FHIT: variants seen among roughly 807,000 people sequenced by gnomAD.
FHIT encodes bis(5'-adenosyl)-triphosphatase.
In FHIT, 19 loss-of-function variants were observed where a neutral mutation model predicts 17.9. That is an observed-to-expected ratio of 1.06 (90% confidence interval 0.74 to 1.56). The LOEUF (loss-of-function observed/expected upper bound fraction) is 1.56, where lower values mean the gene tolerates loss of function less well. Ranked by LOEUF, FHIT falls within the 40% of genes most tolerant of loss-of-function variation. The pLI, the probability that FHIT is intolerant of heterozygous loss-of-function variation, is 0.00. For synonymous variants in FHIT, 81 were observed against 69.7 expected (o/e 1.16, Z -0.81); for missense variants, 248 against 189.2 (o/e 1.31, Z -1.82).
At position 60,536,984 on chromosome 3, in the gene FHIT, A is replaced by G; in HGVS notation, c.-17-5T>C. On this transcript the variant is annotated splice_region_variant and splice_polypyrimidine_tract_variant and intron_variant, in intron 4 of 9. Transcript: ENST00000492590. ...ACATGTCCTCACAGTTGAAGTCTAAAAGAAAAGACAATGGATAGTTATAAA... is the reference window on the plus strand; with the variant it reads ...ACATGTCCTCACAGTTGAAGTCTAAGAGAAAAGACAATGGATAGTTATAAA... The G allele has an allele frequency of 6.3e-7, 1 of 1,594,062 alleles. No individual in the cohort carries two copies. The highest frequency in any genetic ancestry group is 1.2e-5 in the South Asian group (1 of 86,394).
intron 4 of FHIT, among the ~76,000 whole-genome samples, chr3:60,638,773 A>T (rs782039385): frequency 2.0e-5 from 3 of 152,088 alleles, no homozygotes; most frequent in Admixed American, 6.6e-5. Flanking sequence ...CGTGTTTAAG[A>T]ATGACTACAA....
intron 5 of FHIT, among the ~76,000 whole-genome samples, chr3:60,326,565 G>T (rs1709704743): frequency 6.6e-6 from 1 of 152,200 alleles, no homozygotes; most frequent in Admixed American, 6.5e-5. Flanking sequence ...GTGTGGCCAG[G>T]TTCCTAACAG....
At chr3:60,450,744 A>C (rs929293234) in intron 5 of FHIT, among the ~76,000 whole-genome samples, 6 of 152,106 alleles carry the variant, frequency 3.9e-5, no homozygotes, top group Admixed American at 2.0e-4. Flanking sequence ...GATATAGAAA[A>C]GTTGTGTGCA....
intron 4 of FHIT, among the ~76,000 whole-genome samples, chr3:60,659,724 T>C (rs2040196808): frequency 6.6e-6 from 1 of 152,204 alleles, no homozygotes; most frequent in African/African-American, 2.4e-5. Context: ...TTAAGATACT[T>C]GTTTTAGACT....
At chr3:60,016,986 G>A (rs1700367828) in intron 5 of FHIT, among the ~76,000 whole-genome samples, 1 of 152,102 alleles carries the variant, frequency 6.6e-6, no homozygotes, top group Non-Finnish European at 1.5e-5. Context: ...TAGAAAATTA[G>A]AAACTTGCCA....
At chr3:59,886,529 G>A (rs1194103017) in intron 8 of FHIT, among the ~76,000 whole-genome samples, 1 of 152,170 alleles carries the variant, frequency 6.6e-6, no homozygotes, top group Non-Finnish European at 1.5e-5. Flanking sequence ...TCCACTCATG[G>A]CAAGGGTGAA....
At chr3:60,456,307 T>C (rs1369938846) in intron 5 of FHIT, among the ~76,000 whole-genome samples, 1 of 152,228 alleles carries the variant, frequency 6.6e-6, no homozygotes, top group Non-Finnish European at 1.5e-5. Context: ...AAATCTTCAC[T>C]GATGCTAAAG....
At chr3:60,722,765 T>G (rs2041836838) in intron 4 of FHIT, among the ~76,000 whole-genome samples, 1 of 146,402 alleles carries the variant, frequency 6.8e-6, no homozygotes, top group Non-Finnish European at 1.5e-5. Flanking sequence ...CAGGCTGGAA[T>G]GCAGTGGAAT....
At chr3:59,996,314 T>C (rs13066381) in intron 7 of FHIT, among the ~76,000 whole-genome samples, 90,386 of 151,788 alleles carry the variant, frequency 0.6, 27,491 homozygotes, top group Non-Finnish European at 0.66. Flanking sequence ...CAAACATGGG[T>C]AGAATGTGGC....
At chr3:60,178,854 T>C (rs771124100) in intron 5 of FHIT, among the ~76,000 whole-genome samples, 5 of 152,080 alleles carry the variant, frequency 3.3e-5, no homozygotes, top group Admixed American at 2.0e-4. Context: ...CCCTGAGAAG[T>C]TCTGCAGTAA....
chr3:59,754,672 A>G (rs1477913529), intron 8 of FHIT, among the ~76,000 whole-genome samples: 1 of 152,218 alleles, frequency 6.6e-6, no homozygotes, highest in Non-Finnish European at 1.5e-5. Context: ...GTGAATGTTA[A>G]TGCCTTCCTG....
intron 5 of FHIT, among the ~76,000 whole-genome samples, chr3:60,270,813 G>C (rs77127316): frequency 0.083 from 12,603 of 152,190 alleles, 722 homozygotes; most frequent in Middle Eastern, 0.14. Flanking sequence ...AAGAACCATG[G>C]GGAGGAACAC....
intron 5 of FHIT, among the ~76,000 whole-genome samples, chr3:60,100,421 C>A (rs752314348): frequency 2.0e-5 from 3 of 152,108 alleles, no homozygotes; most frequent in Admixed American, 1.3e-4. Flanking sequence ...CCATTAAATT[C>A]TTCACTGGTG....
At chr3:60,938,734 A>G (rs1352765147) in intron 3 of FHIT, among the ~76,000 whole-genome samples, 1 of 152,204 alleles carries the variant, frequency 6.6e-6, no homozygotes, top group African/African-American at 2.4e-5. Flanking sequence ...CGTAACAGAA[A>G]TGGCCTTGCC....
intron 4 of FHIT, among the ~76,000 whole-genome samples, chr3:60,797,863 T>G (rs530449771): frequency 5.9e-5 from 9 of 152,122 alleles, no homozygotes; most frequent in African/African-American, 2.2e-4. Context: ...TTTTAAATTC[T>G]AATGTATAAT....
At chr3:60,314,148 C>T (rs1280792709) in intron 5 of FHIT, among the ~76,000 whole-genome samples, 23 of 152,098 alleles carry the variant, frequency 1.5e-4, no homozygotes, top group Admixed American at 1.2e-3. Flanking sequence ...AGTCTTGCTG[C>T]GTAAATGCAG....
intron 5 of FHIT, among the ~76,000 whole-genome samples, chr3:60,531,151 A>G (rs937465131): frequency 2.0e-5 from 3 of 152,356 alleles, no homozygotes; most frequent in Middle Eastern, 6.8e-3. Flanking sequence ...ACAAGCATGC[A>G]CAGAGCAAAG....
rs894385933 is a variant in FHIT at position 60,119,305 on chromosome 3, T to C, written c.104-105153A>G. Among the ~76,000 whole-genome samples the C allele has an allele frequency of 1.8e-4, 28 of 152,082 alleles. 1 individual carries two copies. The highest frequency in any genetic ancestry group is 3.2e-3 in the Middle Eastern group (1 of 316). ...CCAGGCTGGTCTCGAACTCCTGACC[T>C]CAAGCAATCTGCCTGCCTTGGCCTC... On this transcript the variant is annotated intron_variant, in intron 5 of 9. Transcript: ENST00000492590.
intron 5 of FHIT, among the ~76,000 whole-genome samples, chr3:60,223,492 CTTATT>C (rs953223145): frequency 7.3e-5 from 8 of 109,356 alleles, no homozygotes; most frequent in Non-Finnish European, 1.3e-4. Context: ...CTTTTATTTA[CTTATT>C]TTATTTACTA....
Sources: allele counts gnomAD v4.1 joint callset (sites outside exome capture counted in the v4.1 genomes callset), GRCh38; gene constraint gnomAD v4.1.1; transcripts MANE v1.5; gene names NCBI Gene and HGNC (gene_info 2026-07-23, HGNC 2026-07-21).